The following ATP8B4 variants were observed in gnomAD, a reference collection of about 807,000 sequenced individuals.
The protein encoded by ATP8B4 is ATPase phospholipid transporting 8B4 (putative).
In ATP8B4, 133 loss-of-function variants were observed where a neutral mutation model predicts 145.6. That is an observed-to-expected ratio of 0.91 (90% CI 0.79 to 1.05). The LOEUF (loss-of-function observed/expected upper bound fraction) is 1.05, where lower values mean the gene tolerates loss of function less well. Ranked by LOEUF, ATP8B4 falls within the 50% of genes least tolerant of loss-of-function variation. The probability of loss-of-function intolerance (pLI) is 0.00; values close to 1 mark genes in which losing one functional copy is unlikely to be tolerated. For missense variants in ATP8B4, 1,458 were observed against 1,425.2 expected (o/e 1.02, Z -0.37); for synonymous variants, 507 against 492.9 (o/e 1.03, Z -0.38).
intron 12 of ATP8B4, among the ~76,000 whole-genome samples, chr15:49,977,502 A>T (rs992345034): frequency 2.0e-5 from 3 of 152,122 alleles, no homozygotes; most frequent in African/African-American, 7.2e-5. Context: ...CTCTCAGAAG[A>T]CTTCTGCCCC....
At chr15:50,145,095 C>G (rs1400350784) in intron 1 of ATP8B4, among the ~76,000 whole-genome samples, 2 of 152,170 alleles carry the variant, frequency 1.3e-5, no homozygotes, top group African/African-American at 4.8e-5. Flanking sequence ...TGTACCACAT[C>G]CTAATCTGAG....
chr15:49,926,706 C>A (rs967210306), intron 16 of ATP8B4, among the ~76,000 whole-genome samples: 19 of 152,034 alleles, frequency 1.2e-4, no homozygotes, highest in African/African-American at 4.3e-4. Flanking sequence ...GAACTTAAAT[C>A]AATATTTACT....
intron 23 of ATP8B4, among the ~76,000 whole-genome samples, chr15:49,888,436 A>T (rs2036449989): frequency 6.6e-6 from 1 of 152,240 alleles, no homozygotes; most frequent in Non-Finnish European, 1.5e-5. Context: ...GAAGAAAAAA[A>T]AAATACACAG....
At chr15:50,063,415 C>T (rs1000460443) in intron 3 of ATP8B4, among the ~76,000 whole-genome samples, 1 of 151,692 alleles carries the variant, frequency 6.6e-6, no homozygotes, top group African/African-American at 2.4e-5. Flanking sequence ...TTCATTGGCC[C>T]ATTTGTTTAA....
intron 14 of ATP8B4, among the ~76,000 whole-genome samples, chr15:49,935,940 T>C (rs1215337118): frequency 6.6e-6 from 1 of 152,186 alleles, no homozygotes; most frequent in African/African-American, 2.4e-5. Context: ...ACTGGTAAGA[T>C]GACGTTATTA....
At chr15:50,152,083 C>T (rs1195843074) in intron 1 of ATP8B4, among the ~76,000 whole-genome samples, 10 of 151,938 alleles carry the variant, frequency 6.6e-5, no homozygotes, top group Non-Finnish European at 1.2e-4. Flanking sequence ...GTTTCATAAA[C>T]CCATGTTTCT....
At chr15:50,087,122 A>G (rs2153651666) in intron 2 of ATP8B4, among the ~76,000 whole-genome samples, 1 of 126,054 alleles carries the variant, frequency 7.9e-6, no homozygotes, top group South Asian at 2.3e-4. Flanking sequence ...TTTATTATAT[A>G]TAATATATAG....
intron 1 of ATP8B4, among the ~76,000 whole-genome samples, chr15:50,117,178 T>C (rs2057181085): frequency 6.6e-6 from 1 of 151,976 alleles, no homozygotes; most frequent in African/African-American, 2.4e-5. Flanking sequence ...GCCTCCTGAG[T>C]AGTTGAGATT....
At position 49,943,554 on chromosome 15, in the gene ATP8B4, G is replaced by A. The variant is rs374487878; in HGVS notation, c.1288-9372C>T. On this transcript the variant is annotated intron_variant, in intron 14 of 27. Transcript: ENST00000284509. ...AGCAGAAACCTTGCAGTCCAGGAGG[G>A]AGTGGGACAATATTTTCAAAGGACT... is the stretch of plus-strand genomic sequence containing the variant. Among the ~76,000 whole-genome samples, 11 of 152,228 alleles carry A rather than the reference G, an allele frequency of 7.2e-5. No individual in the cohort carries two copies. In the East Asian group the frequency reaches 7.7e-4, roughly 11 times the overall value.
chr15:50,039,852 A>G (rs1038506597), intron 5 of ATP8B4, among the ~76,000 whole-genome samples: 1 of 152,218 alleles, frequency 6.6e-6, no homozygotes, highest in Non-Finnish European at 1.5e-5. Context: ...CAGTACATAC[A>G]ATTACTCAGA....
chr15:49,905,532 C>T (rs1016101981), intron 20 of ATP8B4, among the ~76,000 whole-genome samples: 2 of 152,106 alleles, frequency 1.3e-5, no homozygotes, highest in Non-Finnish European at 2.9e-5. Context: ...CACACTATAA[C>T]TATAATGATT....
chr15:50,030,017 GTTGGT>G (rs1567226810), intron 6 of ATP8B4, among the ~76,000 whole-genome samples: 1 of 152,200 alleles, frequency 6.6e-6, no homozygotes, highest in African/African-American at 2.4e-5. Context: ...CTGTTAAAAT[GTTGGT>G]TTGGTTTGGT....
rs777291707 is a variant in ATP8B4, at chr15:49,919,002, A to G, written c.1924-52T>C. The G allele has an allele frequency of 6.2e-6, 8 of 1,297,782 alleles. No individual in the cohort carries two copies. The East Asian group carries it at 9.3e-5, about 15-fold the overall frequency. The allele number at this position is 1,297,782 out of a possible 1,614,324, so 80.4% of individuals were successfully genotyped here. A position where few individuals can be genotyped will look rare whatever the true frequency, so the allele number is the denominator to read the frequency against. On this transcript the variant is annotated intron_variant, in intron 18 of 27. Coordinates refer to ENST00000284509, the MANE Select transcript of ATP8B4 (RefSeq NM_024837.4). Reference sequence around the variant, plus strand: ...ATGTTAATGCATGCAAACAATATCTATAACATCTATGGATTTCACTCACAG... The same window carrying G: ...ATGTTAATGCATGCAAACAATATCTGTAACATCTATGGATTTCACTCACAG...
chr15:50,040,242 G>C (rs2051169147), intron 5 of ATP8B4, among the ~76,000 whole-genome samples: 1 of 152,296 alleles, frequency 6.6e-6, no homozygotes, highest in African/African-American at 2.4e-5. Context: ...TTTATCCCCT[G>C]GCTTTCTTCT....
At chr15:49,903,830 G>T (rs1380116828) in intron 20 of ATP8B4, among the ~76,000 whole-genome samples, 1 of 151,812 alleles carries the variant, frequency 6.6e-6, no homozygotes, top group Non-Finnish European at 1.5e-5. Flanking sequence ...GGAGGCGGAG[G>T]TTGCAGTGAG....
intron 6 of ATP8B4, among the ~76,000 whole-genome samples, chr15:50,029,255 A>AC (rs1555461428): frequency 1.1e-4 from 15 of 141,164 alleles, no homozygotes; most frequent in Non-Finnish European, 2.2e-4. Flanking sequence ...AAAAAAAAAA[A>AC]AACAGAAAAA....
chr15:49,919,107 G>A (rs1441506720), intron 18 of ATP8B4, among the ~76,000 whole-genome samples, 157 bp from the exon 19 acceptor site: 1 of 152,238 alleles, frequency 6.6e-6, no homozygotes, highest in Non-Finnish European at 1.5e-5. Context: ...TTGTGTGAAA[G>A]TGGATTGGGA....
At chr15:50,178,039 G>A (rs2044789651) in intron 1 of ATP8B4, among the ~76,000 whole-genome samples, 1 of 152,180 alleles carries the variant, frequency 6.6e-6, no homozygotes, top group African/African-American at 2.4e-5. Flanking sequence ...GCTAGAAGGT[G>A]TCAGTATGCA....
chr15:49,974,129 C>T (rs2045449375), intron 12 of ATP8B4, among the ~76,000 whole-genome samples: 1 of 141,288 alleles, frequency 7.1e-6, no homozygotes, highest in Non-Finnish European at 1.5e-5. Flanking sequence ...GTTGCCTAAG[C>T]TGGAGTGCAA....
Sources: allele counts gnomAD v4.1 joint callset (sites outside exome capture counted in the v4.1 genomes callset), GRCh38; gene constraint gnomAD v4.1.1; transcripts MANE v1.5; gene names NCBI Gene and HGNC (gene_info 2026-07-23, HGNC 2026-07-21).